Variants in MTOR observed in about 807,000 individuals in gnomAD.
MTOR encodes mechanistic target of rapamycin kinase, also known as serine/threonine-protein kinase mTOR.
MTOR carries 70 observed loss-of-function variants against 319.8 expected under a neutral mutation model. The ratio of observed to expected loss-of-function variants is 0.22; its 90% CI spans 0.18 to 0.27. The LOEUF is 0.27. MTOR is among the 10% of genes least tolerant of loss of function. The pLI is 1.00. For missense variants in MTOR, 1,890 were observed against 3,274.4 expected (o/e 0.58, Z 10.32); for synonymous variants, 1,183 against 1,211.4 (o/e 0.98, Z 0.49).
At chr1:11,142,432 G>A (rs1643757495) in intron 34 of MTOR, among the ~76,000 whole-genome samples, 1 of 152,096 alleles carries the variant, frequency 6.6e-6, no homozygotes, top group Non-Finnish European at 1.5e-5. Flanking sequence ...GGGATTACAG[G>A]TGTGCGCCAC....
rs778847843 is a variant in MTOR, at chr1:11,139,526, C to G, written c.4998+7G>C. On this transcript the variant is annotated splice_region_variant and intron_variant, in intron 35 of 57. Coordinates refer to ENST00000361445, the MANE Select transcript of MTOR (RefSeq NM_004958.4). ...CCTGCCCATGTGGGTGGGTGGTTGTCACTCACCAGCCTGCCACTCTTGCCG... is the reference window on the plus strand; with the variant it reads ...CCTGCCCATGTGGGTGGGTGGTTGTGACTCACCAGCCTGCCACTCTTGCCG... 6.2e-7 allele frequency: 1 copy of G among 1,614,142 alleles called. No homozygotes were observed. The highest frequency in any genetic ancestry group is 1.1e-5 in the South Asian group (1 of 91,066).
chr1:11,241,596 C>T lies in MTOR; in HGVS notation c.1498G>A (p.Asp500Asn), dbSNP rs746964824. ...ARAMGPGIQQ[D>N]IKELLEPMLA... The stretch of plus-strand genomic sequence containing the variant: ...ATGGGCTCCAGCAGCTCCTTGATAT[C>T]CTGCTGGATGCCTGGCCCCATTGCT... Residue 500 changes from aspartate (D) to asparagine (N), a missense_variant, in exon 10 of 58, where the codon GAT (aspartate) becomes AAT (asparagine). This residue lies in a region of MTOR where 418 missense variants were observed against 543.1 expected (regional missense o/e 0.77). Transcript: ENST00000361445. 3 of 1,614,026 alleles carry T rather than the reference C, an allele frequency of 1.9e-6. No individual in the cohort carries two copies. Among genetic ancestry groups the T allele is most frequent in the Admixed American group, 3.3e-5 (2 of 60,010 alleles).
chr1:11,174,661 T>C (rs1326552658), intron 28 of MTOR, among the ~76,000 whole-genome samples: 3 of 152,204 alleles, frequency 2.0e-5, no homozygotes, highest in Non-Finnish European at 4.4e-5. Flanking sequence ...GTGGTTTTTA[T>C]GAGACTGAAG....
intron 8 of MTOR, among the ~76,000 whole-genome samples, chr1:11,246,303 T>C (rs1366863005): frequency 6.6e-6 from 1 of 152,246 alleles, no homozygotes; most frequent in Non-Finnish European, 1.5e-5. Context: ...AAGGGTAATG[T>C]GCCAGACTTT....
At chr1:11,135,995 C>T (rs537797164) in intron 36 of MTOR, among the ~76,000 whole-genome samples, 3 of 151,608 alleles carry the variant, frequency 2.0e-5, no homozygotes, top group African/African-American at 7.3e-5. Flanking sequence ...ATTAGCTGGG[C>T]GTGGTGGTGG....
chr1:11,162,785 C>T (rs1372319330), intron 29 of MTOR, among the ~76,000 whole-genome samples: 1 of 152,132 alleles, frequency 6.6e-6, no homozygotes, highest in Non-Finnish European at 1.5e-5. Flanking sequence ...CTGAAGGAAG[C>T]ACTAAACATG....
At chr1:11,221,845 ATATTAG>A (rs1371878221) in intron 19 of MTOR, among the ~76,000 whole-genome samples, 1 of 150,668 alleles carries the variant, frequency 6.6e-6, no homozygotes, top group Non-Finnish European at 1.5e-5. Flanking sequence ...TAAATGACCA[ATATTAG>A]TATTAACAAT....
intron 5 of MTOR, among the ~76,000 whole-genome samples, chr1:11,255,501 G>A (rs1023810246): frequency 1.3e-5 from 2 of 151,142 alleles, no homozygotes; most frequent in African/African-American, 4.9e-5. Flanking sequence ...GCTATCAATA[G>A]ATGTTTGCTT....
intron 18 of MTOR, among the ~76,000 whole-genome samples, chr1:11,230,631 T>C (rs1450557227): frequency 2.0e-5 from 3 of 152,086 alleles, no homozygotes; most frequent in Admixed American, 1.3e-4. Context: ...GAGAGATAGA[T>C]AGAGGTGATG....
chr1:11,132,937 C>T (rs1643229837), intron 38 of MTOR, 143 bp downstream of exon 38: 1 of 690,016 alleles, frequency 1.4e-6, no homozygotes, highest in African/African-American at 1.8e-5. Context: ...CCCTGGGCCT[C>T]TTATAGATAG....
chr1:11,183,185 T>A (rs1485713976), intron 28 of MTOR, among the ~76,000 whole-genome samples: 1 of 152,242 alleles, frequency 6.6e-6, no homozygotes. Flanking sequence ...CATTTTATTA[T>A]GATTTAAATT....
chr1:11,181,859 A>G (rs1233934518), intron 28 of MTOR, among the ~76,000 whole-genome samples: 1 of 152,218 alleles, frequency 6.6e-6, no homozygotes, highest in Admixed American at 6.5e-5. Flanking sequence ...GTACTGTGGA[A>G]AATAAGAGAA....
intron 18 of MTOR, among the ~76,000 whole-genome samples, chr1:11,230,221 G>A (rs1646972328): frequency 1.3e-5 from 2 of 152,038 alleles, no homozygotes; most frequent in African/African-American, 4.8e-5. Context: ...AGGAGTTTGA[G>A]AACAGCCAGG....
chr1:11,236,516 T>G (rs565467300), intron 13 of MTOR, among the ~76,000 whole-genome samples: 3 of 150,996 alleles, frequency 2.0e-5, no homozygotes, highest in Admixed American at 6.6e-5. Context: ...CACGTTTTTT[T>G]TTTTTTTTTT....
At chr1:11,177,060 C>T (rs994255802) in intron 28 of MTOR, among the ~76,000 whole-genome samples, 3 of 152,132 alleles carry the variant, frequency 2.0e-5, no homozygotes, top group African/African-American at 7.2e-5. Flanking sequence ...GAAACAAAGC[C>T]AGAATCAGAT....
intron 19 of MTOR, among the ~76,000 whole-genome samples, chr1:11,221,288 C>G (rs975833207): frequency 6.6e-6 from 1 of 152,138 alleles, no homozygotes; most frequent in Admixed American, 6.6e-5. Flanking sequence ...AGCCACCACG[C>G]TCAGCCTAAA....
At chr1:11,119,573 G>GGAAAAAA (rs1553172104) in intron 49 of MTOR, among the ~76,000 whole-genome samples, 1 of 24,864 alleles carries the variant, frequency 4.0e-5, no homozygotes, top group African/African-American at 2.0e-4. Context: ...TCCGTCTCGA[G>GGAAAAAA]AAAAAAAAAA....
chr1:11,255,380 T>C (rs1212636557), intron 5 of MTOR, among the ~76,000 whole-genome samples: 3 of 46,050 alleles, frequency 6.5e-5, no homozygotes, highest in Non-Finnish European at 6.7e-5. Flanking sequence ...AGACTCCATC[T>C]CCAAAAAAAA....
chr1:11,174,550 CTG>C (rs1644923808), intron 28 of MTOR, among the ~76,000 whole-genome samples: 1 of 152,208 alleles, frequency 6.6e-6, no homozygotes, highest in Admixed American at 6.5e-5. Flanking sequence ...AAGCAAGTCT[CTG>C]TGAAAATGCA....
Sources: allele counts gnomAD v4.1 joint callset (sites outside exome capture counted in the v4.1 genomes callset), GRCh38; gene constraint gnomAD v4.1.1; regional missense constraint gnomAD v4.1.1; transcripts MANE v1.5; gene names NCBI Gene and HGNC (gene_info 2026-07-23, HGNC 2026-07-21).